Variants in GCC2 observed in about 807,000 individuals in gnomAD.
GCC2 encodes the protein GRIP and coiled-coil domain-containing protein 2.
Under a neutral mutation model 210.6 loss-of-function variants are expected in GCC2, and 120 were observed. That is an observed-to-expected ratio of 0.57 (90% CI 0.49 to 0.66). The LOEUF (loss-of-function observed/expected upper bound fraction) is 0.66. GCC2 is among the 30% of genes least tolerant of loss of function. The pLI, the probability that GCC2 is intolerant of heterozygous loss-of-function variation, is 0.00. For missense variants in GCC2, 1,868 were observed against 1,871.9 expected, an observed-to-expected ratio of 1.00 and a Z score of 0.04; for synonymous variants, 703 against 652.7, an observed-to-expected ratio of 1.08 and a Z score of -1.17.
chr2:108,493,636 A>T, intron 19 of GCC2: 1 of 985,436 alleles, frequency 1.0e-6, no homozygotes, highest in Non-Finnish European at 1.2e-6. Flanking sequence ...ACATGGAAAA[A>T]TGTCAGCCAT....
At chr2:108,504,533 G>C (rs1376983147) in intron 22 of GCC2, among the ~76,000 whole-genome samples, 1 of 152,150 alleles carries the variant, frequency 6.6e-6, no homozygotes, top group East Asian at 1.9e-4. Context: ...ATGTCAAATA[G>C]ACACTGGTAA....
rs1681466308 is a variant in GCC2 at position 108,475,575 on chromosome 2, A to C, written c.2901A>C (p.Ile967=). 6.5e-7 allele frequency: 1 copy of C among 1,529,746 alleles called. No individual in the cohort carries two copies. Among genetic ancestry groups the C allele is most frequent in the Non-Finnish European group, 8.8e-7 (1 of 1,138,060 alleles). 94.8% of individuals were successfully genotyped at this position (1,529,746 alleles called of 1,614,324 possible). Residue 967 remains isoleucine, a synonymous_variant, in exon 8 of 23, where the codon ATA becomes ATC. Transcript: ENST00000309863. ...EKECKEKEEK[I]NKIKLVAVKA... ...AATGCAAAGAAAAGGAGGAGAAAAT[A>C]AATAAGATAAAATTAGTTGCCGTAA...
chr2:108,463,302 T>G (rs902939654), intron 4 of GCC2, among the ~76,000 whole-genome samples: 16 of 152,258 alleles, frequency 1.1e-4, no homozygotes, highest in Non-Finnish European at 1.8e-4. Context: ...CCTTGATATC[T>G]GTGCATCTGG....
Position 108,490,002 on chromosome 2 carries a change from A to C in GCC2, c.4217A>C (p.Glu1406Ala). ...MLQETVSKEA[E>A]LREKLCSIQS... is the part of the protein sequence containing the mutation. ...CAGGAAACTGTGTCCAAAGAGGCGG[A>C]ACTCCGGGAAAAGTAAGACTGTTAG... The change falls in exon 18 of 23, where the codon GAA (glutamate) becomes GCA (alanine). Residue 1406 changes from glutamate to alanine, a missense_variant. By Grantham distance (107) the Glu-to-Ala change is moderately radical. Coordinates refer to ENST00000309863, the MANE Select transcript of GCC2 (RefSeq NM_181453.4). 6.2e-7 allele frequency: 1 copy of C among 1,601,672 alleles called. No homozygotes were observed. Among genetic ancestry groups the C allele is most frequent in the Non-Finnish European group, 8.5e-7 (1 of 1,175,616 alleles).
rs200328829 is a variant in GCC2 at position 108,471,939 on chromosome 2, A to G, written c.2610A>G (p.Lys870=). The G allele has an allele frequency of 5.0e-6, 8 of 1,603,162 alleles. No individual in the cohort carries two copies. The highest frequency in any genetic ancestry group is 6.8e-6 in the Non-Finnish European group (8 of 1,177,264). Residue 870 remains lysine, a synonymous_variant, in exon 6 of 23, where the codon AAA becomes AAG. Coordinates refer to ENST00000309863, the MANE Select transcript of GCC2 (RefSeq NM_181453.4). ...TAGAAATGAAGAATGCTAATGAAAA[A>G]ACAAGGCTTGAAAATCAGAATCTTT... The part of the protein sequence containing the change: ...DLLEMKNANE[K]TRLENQNLLI...
chr2:108,477,334 A>G (rs1168374925), intron 9 of GCC2, among the ~76,000 whole-genome samples: 1 of 152,192 alleles, frequency 6.6e-6, no homozygotes, highest in Non-Finnish European at 1.5e-5. Flanking sequence ...AGCACTTTAC[A>G]TATCTCAATA....
At chr2:108,466,464 T>TTTTA (rs59825625) in intron 4 of GCC2, among the ~76,000 whole-genome samples, 25,292 of 151,056 alleles carry the variant, frequency 0.17, 2,336 homozygotes, top group South Asian at 0.2. Flanking sequence ...ATGGTTTCTT[T>TTTTA]TTTATTTATT....
rs189410445 is a variant in GCC2, at chr2:108,507,689, G to A, written c.*59G>A. 1.1e-4 allele frequency: 127 copies of A among 1,174,836 alleles called. No individual in the cohort carries two copies. The highest frequency in any genetic ancestry group is 8.6e-4 in the East Asian group (36 of 42,096). 72.8% of individuals were successfully genotyped at this position (1,174,836 alleles called of 1,614,324 possible). ...GAATCTATTTACAAAAATGGTTCAC[G>A]TATATTACCACAATTCTTTTGTCAA... On this transcript the variant is annotated 3_prime_UTR_variant, in exon 23 of 23. Coordinates refer to ENST00000309863, the MANE Select transcript of GCC2 (RefSeq NM_181453.4).
chr2:108,454,039 G>A (rs1680107032), intron 4 of GCC2, among the ~76,000 whole-genome samples: 1 of 152,056 alleles, frequency 6.6e-6, no homozygotes, highest in Non-Finnish European at 1.5e-5. Flanking sequence ...CGCCCAGGCT[G>A]GAGTGCAGTG....
At chr2:108,480,627 A>G (rs1021728516) in intron 9 of GCC2, among the ~76,000 whole-genome samples, 1 of 152,202 alleles carries the variant, frequency 6.6e-6, no homozygotes, top group Non-Finnish European at 1.5e-5. Context: ...GGAAGCCACT[A>G]TCCTTAGCAA....
chr2:108,502,727 A>G (rs568754103), intron 22 of GCC2, among the ~76,000 whole-genome samples: 4 of 152,224 alleles, frequency 2.6e-5, no homozygotes, highest in Admixed American at 2.0e-4. Context: ...GTTCTAGACC[A>G]GCCTGGCCAA....
intron 15 of GCC2, 170 bp from the exon 16 acceptor site, chr2:108,486,341 A>G (rs1682138269): frequency 1.5e-6 from 1 of 670,550 alleles, no homozygotes. Context: ...AACTTAGAAA[A>G]TGTTCTACTT....
At position 108,475,842 on chromosome 2, in the gene GCC2, A is replaced by G. The variant is rs1463993580; in HGVS notation, c.3052A>G (p.Ser1018Gly). Residue 1018 changes from serine to glycine, a missense_variant, in exon 9 of 23, where the codon AGC becomes GGC. Ser to Gly is a moderately conservative substitution (Grantham distance 56, BLOSUM62 0). This residue lies in a region of GCC2 where 1,847 missense variants were observed against 1,765.2 expected (regional missense o/e 1.05). Transcript: ENST00000309863. ...SMRDLIQGAE[S>G]YKNLLLEYEK... Reference sequence around the variant, plus strand: ...GAGAGATCTCATTCAAGGAGCAGAAAGCTATAAGGTAAAAAATAGTCATTT... The same window carrying G: ...GAGAGATCTCATTCAAGGAGCAGAAGGCTATAAGGTAAAAAATAGTCATTT... 1.3e-6 allele frequency: 2 copies of G among 1,544,536 alleles called. No homozygotes were observed. Among genetic ancestry groups the G allele is most frequent in the East Asian group, 2.3e-5 (1 of 44,034 alleles).
Position 108,471,564 on chromosome 2 carries a change from T to G in GCC2, c.2235T>G (p.Leu745=). The change falls in exon 6 of 23, where the codon CTT becomes CTG. Residue 745 remains leucine, a synonymous_variant. Transcript: ENST00000309863. ...VEEQDNLNKL[L]ENEQVQKLFV... is the part of the protein sequence containing the mutation. The stretch of plus-strand genomic sequence containing the variant: ...AGCAAGATAATTTAAATAAACTGCT[T>G]GAAAATGAGCAAGTTCAGAAGTTAT... 6.2e-7 allele frequency: 1 copy of G among 1,609,204 alleles called. No homozygotes were observed. Among genetic ancestry groups the G allele is most frequent in the Non-Finnish European group, 8.5e-7 (1 of 1,178,250 alleles).
chr2:108,487,683 CTT>C lies in GCC2; in HGVS notation c.3931-13_3931-12del. 1 of 1,596,806 alleles carries C rather than the reference CTT, an allele frequency of 6.3e-7. No homozygotes were observed. Among genetic ancestry groups the C allele is most frequent in the East Asian group, 2.2e-5 (1 of 44,552 alleles). ...TGTTACAGTAGAAAAACGTTTCTCT[CTT>C]TTAAATGTTATAGGCAGAACAAGCT... On this transcript the variant is annotated splice_polypyrimidine_tract_variant and intron_variant, in intron 16 of 22. Coordinates refer to ENST00000309863, the MANE Select transcript of GCC2 (RefSeq NM_181453.4).
chr2:108,502,575 A>G (rs1444244328), intron 22 of GCC2, among the ~76,000 whole-genome samples: 1 of 152,158 alleles, frequency 6.6e-6, no homozygotes, highest in African/African-American at 2.4e-5. Flanking sequence ...AGACCTTATT[A>G]CAATTAAAAA....
rs34052393 is a variant in GCC2 at position 108,459,745 on chromosome 2, C to CTTTTTTTTTTTTTTTTT, written c.216+7296_216+7312dup. On this transcript the variant is annotated intron_variant, in intron 4 of 22. Transcript: ENST00000309863. ...GCCATTAGATAATGACCTTCTTTGT[C>CTTTTTTTTTTTTTTTTT]TTTTTTTTTTTTTTTTTTTTTTTTT... Among the ~76,000 whole-genome samples the CTTTTTTTTTTTTTTTTT allele has an allele frequency of 6.1e-3, 164 of 26,746 alleles. 19 individuals are homozygous for CTTTTTTTTTTTTTTTTT. The highest frequency in any genetic ancestry group is 9.8e-3 in the East Asian group (3 of 306). 17.5% of individuals were successfully genotyped at this position (26,746 alleles called of 152,430 possible). A position where few individuals can be genotyped will look rare whatever the true frequency, so the allele number is the denominator to read the frequency against.
intron 22 of GCC2, among the ~76,000 whole-genome samples, chr2:108,500,413 T>A (rs1278160814): frequency 6.6e-6 from 1 of 152,214 alleles, no homozygotes; most frequent in Non-Finnish European, 1.5e-5. Context: ...CTCAGGAGAT[T>A]GAGGCAGGAG....
At chr2:108,506,054 A>C (rs542385054) in intron 22 of GCC2, among the ~76,000 whole-genome samples, 2 of 152,182 alleles carry the variant, frequency 1.3e-5, no homozygotes, top group Non-Finnish European at 2.9e-5. Flanking sequence ...GTATTCACAC[A>C]AAAACCTATG....
Sources: allele counts gnomAD v4.1 joint callset (sites outside exome capture counted in the v4.1 genomes callset), GRCh38; gene constraint gnomAD v4.1.1; regional missense constraint gnomAD v4.1.1; transcripts MANE v1.5; gene names NCBI Gene and HGNC (gene_info 2026-07-23, HGNC 2026-07-21).